RAI14: variants seen among roughly 807,000 people sequenced by gnomAD.
The protein encoded by RAI14 is retinoic acid induced 14.
A neutral mutation model predicts 115.4 loss-of-function variants in RAI14; 45 were observed. The observed-to-expected ratio is 0.39, with a 90% CI of 0.31 to 0.50. The LOEUF is 0.50. Among genes scored for constraint, RAI14 ranks in the 20% least tolerant of loss-of-function variants. The probability of loss-of-function intolerance (pLI) is 0.85; values close to 1 mark genes in which losing one functional copy is unlikely to be tolerated. For missense variants in RAI14, 939 were observed against 1,131.2 expected (o/e 0.83, Z 2.44); for synonymous variants, 371 against 415.4 (o/e 0.89, Z 1.30).
At chr5:34,815,168 G>A (rs1756062658) in intron 12 of RAI14, among the ~76,000 whole-genome samples, 2 of 152,094 alleles carry the variant, frequency 1.3e-5, no homozygotes, top group East Asian at 1.9e-4. Context: ...GGATCACGAG[G>A]TCAAGAGATC....
intron 3 of RAI14, among the ~76,000 whole-genome samples, chr5:34,777,604 ACT>A (rs1392424042): frequency 3.9e-5 from 6 of 152,012 alleles, no homozygotes; most frequent in African/African-American, 1.4e-4. Flanking sequence ...ACATGGTGAA[ACT>A]CTGTCTCTAC....
rs1172372257 is a variant in RAI14 at position 34,824,174 on chromosome 5, G to A, written c.2332G>A (p.Ala778Thr). 1.2e-6 allele frequency: 2 copies of A among 1,614,042 alleles called. No homozygotes were observed. The highest frequency in any genetic ancestry group is 2.2e-5 in the East Asian group (1 of 44,890). Reference protein sequence around the residue: ...LEKQLLEEKAAMTDAMVPRSS... With the variant: ...LEKQLLEEKATMTDAMVPRSS... ...GAAACAACTCTTAGAAGAGAAAGCT[G>A]CTATGACTGATGCAATGGTACCTCG... The change falls in exon 15 of 18, where the codon GCT becomes ACT. Residue 778 changes from alanine to threonine, a missense_variant. Physicochemically the swap from Ala to Thr is moderately conservative, Grantham distance 58. Transcript: ENST00000265109.
At chr5:34,744,918 A>G (rs1334968545) in intron 2 of RAI14, among the ~76,000 whole-genome samples, 1 of 152,164 alleles carries the variant, frequency 6.6e-6, no homozygotes, top group Non-Finnish European at 1.5e-5. Flanking sequence ...GTTGCTGGCA[A>G]TCTTTGGTGT....
intron 2 of RAI14, chr5:34,688,244 A>C: frequency 6.5e-7 from 1 of 1,550,060 alleles, no homozygotes; most frequent in Non-Finnish European, 8.7e-7. Flanking sequence ...GCTAAGGAGA[A>C]AAAGGCAATT....
intron 3 of RAI14, among the ~76,000 whole-genome samples, chr5:34,780,859 C>T (rs1336805754): frequency 6.6e-6 from 1 of 152,106 alleles, no homozygotes; most frequent in Non-Finnish European, 1.5e-5. Context: ...ACCCAGCCAT[C>T]GCATTACTGG....
intron 1 of RAI14, chr5:34,684,606 C>G (rs1387059374): frequency 1.3e-5 from 2 of 152,218 alleles, no homozygotes; most frequent in Admixed American, 1.3e-4. Context: ...CAAAGTGCTT[C>G]ATGATGACTG....
At chr5:34,705,794 T>G (rs1322262534) in intron 2 of RAI14, among the ~76,000 whole-genome samples, 1 of 152,124 alleles carries the variant, frequency 6.6e-6, no homozygotes, top group Non-Finnish European at 1.5e-5. Flanking sequence ...ATTACAGACA[T>G]GCACCACCAC....
chr5:34,799,546 A>C (rs1753995773), intron 4 of RAI14, among the ~76,000 whole-genome samples: 1 of 148,206 alleles, frequency 6.7e-6, no homozygotes, highest in Admixed American at 6.8e-5. Flanking sequence ...ACACAAAACC[A>C]CCTTTCAAAA....
At chr5:34,818,903 T>G (rs1756551105) in intron 13 of RAI14, 52 bp downstream of exon 13, 5 of 1,521,924 alleles carry the variant, frequency 3.3e-6, no homozygotes, top group Admixed American at 3.7e-5. Context: ...AACTATTTCA[T>G]GTCCATTTAA....
chr5:34,781,645 G>A (rs996550131), intron 3 of RAI14, among the ~76,000 whole-genome samples: 1 of 152,228 alleles, frequency 6.6e-6, no homozygotes, highest in African/African-American at 2.4e-5. Flanking sequence ...TGCTGATAGA[G>A]ATGTTAAATG....
intron 2 of RAI14, among the ~76,000 whole-genome samples, chr5:34,711,082 TG>T (rs1190904463): frequency 3.9e-5 from 6 of 152,118 alleles, no homozygotes; most frequent in Non-Finnish European, 8.8e-5. Flanking sequence ...CCAAGGTGAC[TG>T]GTATTTAGAG....
At chr5:34,824,972 T>C (rs1440131363) in intron 15 of RAI14, among the ~76,000 whole-genome samples, 1 of 130,170 alleles carries the variant, frequency 7.7e-6, no homozygotes, top group South Asian at 2.4e-4. Flanking sequence ...AAAAAAAGAA[T>C]AGTTTATTGG....
intron 2 of RAI14, among the ~76,000 whole-genome samples, chr5:34,723,680 C>G (rs951414975): frequency 3.3e-5 from 5 of 152,142 alleles, no homozygotes; most frequent in African/African-American, 1.2e-4. Flanking sequence ...AGTGAAATTT[C>G]ACCTGATTTA....
At chr5:34,716,038 T>C (rs1328862641) in intron 2 of RAI14, 5 of 447,932 alleles carry the variant, frequency 1.1e-5, no homozygotes, top group Non-Finnish European at 2.2e-5. Context: ...AAAACAACCA[T>C]ATTTCCTGTC....
intron 4 of RAI14, among the ~76,000 whole-genome samples, chr5:34,799,527 CACACACACACACA>C (rs1352549176): frequency 2.4e-4 from 21 of 88,150 alleles, no homozygotes; most frequent in East Asian, 1.4e-3. Context: ...CACACACACA[CACACACACACACA>C]AAACCACCTT....
At chr5:34,708,373 T>C (rs759445670) in intron 2 of RAI14, among the ~76,000 whole-genome samples, 3 of 152,226 alleles carry the variant, frequency 2.0e-5, no homozygotes, top group Non-Finnish European at 4.4e-5. Flanking sequence ...CGGCTAATTT[T>C]CTATTTTTAG....
At chr5:34,830,159 A>G (rs1303171481) in intron 17 of RAI14, among the ~76,000 whole-genome samples, 1 of 152,012 alleles carries the variant, frequency 6.6e-6, no homozygotes, top group Non-Finnish European at 1.5e-5. Context: ...AAATTTTTGT[A>G]TTTTTGTAGA....
At chr5:34,816,153 A>G (rs982564156) in intron 12 of RAI14, among the ~76,000 whole-genome samples, 1 of 152,210 alleles carries the variant, frequency 6.6e-6, no homozygotes, top group South Asian at 2.1e-4. Flanking sequence ...GATAGTAGTA[A>G]TTTACCAATT....
chr5:34,766,996 C>T (rs560032860), intron 3 of RAI14, among the ~76,000 whole-genome samples: 142 of 152,178 alleles, frequency 9.3e-4, no homozygotes, highest in African/African-American at 3.2e-3. Flanking sequence ...TTTCTCTTGC[C>T]ACCACCAAGT....
Sources: allele counts gnomAD v4.1 joint callset (sites outside exome capture counted in the v4.1 genomes callset), GRCh38; gene constraint gnomAD v4.1.1; transcripts MANE v1.5; gene names NCBI Gene and HGNC (gene_info 2026-07-23, HGNC 2026-07-21).